The following TRIM5 variants were observed in gnomAD, a reference collection of about 807,000 sequenced individuals.
TRIM5 encodes the protein tripartite motif containing 5.
Under a neutral mutation model 35.6 loss-of-function variants are expected in TRIM5, and 31 were observed. The observed-to-expected ratio is 0.87, with a 90% CI of 0.65 to 1.18. The LOEUF (loss-of-function observed/expected upper bound fraction) is 1.18. Among genes scored for constraint, TRIM5 ranks in the 50% most tolerant of loss-of-function variants. The probability of loss-of-function intolerance (pLI) is 0.00; values close to 1 mark genes in which losing one functional copy is unlikely to be tolerated. For missense variants in TRIM5, 609 were observed against 591.6 expected (o/e 1.03, Z -0.31); for synonymous variants, 243 against 215.6 (o/e 1.13, Z -1.11).
downstream of TRIM5, among the ~76,000 whole-genome samples, chr11:5,660,929 C>T (rs1376163532): frequency 6.6e-6 from 1 of 151,204 alleles, no homozygotes; most frequent in Non-Finnish European, 1.5e-5. Context: ...GTAGTGCCAG[C>T]TACTCGGGAG....
the TRIM5 span, chr11:5,596,685 C>A: frequency 1.5e-6 from 1 of 684,654 alleles, no homozygotes; most frequent in East Asian, 2.9e-5. Flanking sequence ...CCTGTGGGTC[C>A]GTCCGTTCAA....
chr11:5,629,713 T>A, the TRIM5 span, among the ~76,000 whole-genome samples: 1 of 152,208 alleles, frequency 6.6e-6, no homozygotes, highest in East Asian at 1.9e-4. Context: ...TCTTTTGTTT[T>A]GTTTTGTTTT....
At chr11:5,623,003 A>C in the TRIM5 span, among the ~76,000 whole-genome samples, 1 of 152,162 alleles carries the variant, frequency 6.6e-6, no homozygotes, top group South Asian at 2.1e-4. Flanking sequence ...TCATAGGTAG[A>C]TAAAAGACAA....
the TRIM5 span, chr11:5,643,831 T>C: frequency 7.8e-7 from 1 of 1,288,460 alleles, no homozygotes. Context: ...TACTCATCCT[T>C]GAGATGTATG....
At chr11:5,661,602 G>A (rs1351676376), downstream of TRIM5, among the ~76,000 whole-genome samples, 3 of 152,150 alleles carry the variant, frequency 2.0e-5, no homozygotes, top group African/African-American at 7.2e-5. Flanking sequence ...TGAAGTCTCA[G>A]AATAGAAGAC....
Position 5,678,351 on chromosome 11 carries a change from C to T in TRIM5, c.597G>A (p.Glu199=). ...RDILDWEESN[E]LQNLEKEEED... The stretch of plus-strand genomic sequence containing the variant: ...CCTCCTCCTTCTCCAGGTTTTGCAG[C>T]TCATTGCTCTCCTCCCAGTCCAGGA... Residue 199 remains glutamate, a synonymous_variant, in exon 4 of 8, where the codon GAG becomes GAA. Transcript: ENST00000380034. 1 of 1,613,402 alleles carries T rather than the reference C, an allele frequency of 6.2e-7. No homozygotes were observed. Among genetic ancestry groups the T allele is most frequent in the East Asian group, 2.2e-5 (1 of 44,866 alleles).
At chr11:5,647,706 A>T in the TRIM5 span, among the ~76,000 whole-genome samples, 5 of 152,126 alleles carry the variant, frequency 3.3e-5, no homozygotes, top group Non-Finnish European at 1.5e-5. Context: ...TATTTTTAGT[A>T]AAGAGGGGAT....
At position 5,664,175 on chromosome 11, in the gene TRIM5, T is replaced by C; in HGVS notation, c.*634A>G. ...GAGATCGTGCCATTGCACTCCAGCC[T>C]GGGGAACAAGAGCAAAACTTCATCT... On this transcript the variant is annotated 3_prime_UTR_variant, in exon 8 of 8. Transcript: ENST00000380034. The C allele has an allele frequency of 3.5e-6, 3 of 860,274 alleles. No individual in the cohort carries two copies. Among genetic ancestry groups the C allele is most frequent in the Non-Finnish European group, 4.1e-6 (3 of 740,516 alleles). The allele number at this position is 860,274 out of a possible 1,614,324, so 53.3% of individuals were successfully genotyped here.
the TRIM5 span, chr11:5,596,917 A>T: frequency 6.2e-7 from 1 of 1,614,036 alleles, no homozygotes; most frequent in Admixed American, 1.7e-5. Flanking sequence ...TCAGAGAGGT[A>T]TGTCTACCGT....
chr11:5,657,612 ATATTAT>A, the TRIM5 span, among the ~76,000 whole-genome samples: 5 of 105,052 alleles, frequency 4.8e-5, no homozygotes, highest in African/African-American at 7.0e-5. Context: ...ATATATTTAT[ATATTAT>A]ATATAATGCA....
chr11:5,601,736 C>T, the TRIM5 span, among the ~76,000 whole-genome samples: 4 of 152,212 alleles, frequency 2.6e-5, no homozygotes, highest in South Asian at 2.1e-4. Flanking sequence ...CCAGCCTGGG[C>T]GATAGAGCAA....
chr11:5,681,242 G>A (rs1310438151), intron 1 of TRIM5, among the ~76,000 whole-genome samples: 1 of 152,140 alleles, frequency 6.6e-6, no homozygotes, highest in African/African-American at 2.4e-5. Context: ...ACAAACGGAG[G>A]GTCGGCTGCT....
chr11:5,605,675 A>G, the TRIM5 span: 7 of 1,344,660 alleles, frequency 5.2e-6, no homozygotes, highest in Non-Finnish European at 6.9e-6. Flanking sequence ...AAGAGAAAAC[A>G]TTCCTTTGGC....
chr11:5,593,631 C>T, the TRIM5 span, among the ~76,000 whole-genome samples: 3 of 152,082 alleles, frequency 2.0e-5, no homozygotes, highest in African/African-American at 7.2e-5. Context: ...TGTTAATATC[C>T]ACTTATTGCT....
the TRIM5 span, among the ~76,000 whole-genome samples, chr11:5,649,041 C>G: frequency 6.6e-6 from 1 of 152,206 alleles, no homozygotes; most frequent in Non-Finnish European, 1.5e-5. Context: ...TAAACTGTAA[C>G]TGACCTCATT....
chr11:5,645,902 TATAG>T, the TRIM5 span: 13 of 143,020 alleles, frequency 9.1e-5, 1 homozygote, highest in East Asian at 2.7e-4. Flanking sequence ...TATATCTATA[TATAG>T]ATATATATAG....
At chr11:5,657,711 T>TA in the TRIM5 span, among the ~76,000 whole-genome samples, 2 of 132,588 alleles carry the variant, frequency 1.5e-5, no homozygotes, top group African/African-American at 5.8e-5. Flanking sequence ...TATATAAATA[T>TA]ATATATATAT....
the TRIM5 span, chr11:5,610,721 C>A: frequency 6.3e-7 from 1 of 1,588,934 alleles, no homozygotes; most frequent in South Asian, 1.2e-5. Context: ...CTCTTCTCAG[C>A]ATAACGAGAC....
chr11:5,590,261 CG>C, the TRIM5 span: 1 of 163,672 alleles, frequency 6.1e-6, no homozygotes, highest in Non-Finnish European at 1.4e-5. Flanking sequence ...CTGAGGAGTG[CG>C]GGTGCATGGC....
Sources: allele counts gnomAD v4.1 joint callset (sites outside exome capture counted in the v4.1 genomes callset), GRCh38; gene constraint gnomAD v4.1.1; transcripts MANE v1.5; gene names NCBI Gene and HGNC (gene_info 2026-07-23, HGNC 2026-07-21).